ATP8B1: variants seen among roughly 807,000 people sequenced by gnomAD.
The protein encoded by ATP8B1 is phospholipid-transporting ATPase IC.
In ATP8B1, 80 loss-of-function variants were observed where a neutral mutation model predicts 149.9. The ratio of observed to expected loss-of-function variants is 0.53; its 90% CI spans 0.45 to 0.64. The LOEUF (loss-of-function observed/expected upper bound fraction) is 0.64, where lower values mean the gene tolerates loss of function less well. Ranked by LOEUF, ATP8B1 falls within the 30% of genes least tolerant of loss-of-function variation. The pLI is 0.00. For synonymous variants in ATP8B1, 536 were observed against 562.8 expected, an observed-to-expected ratio of 0.95 and a Z score of 0.67; for missense variants, 1,247 against 1,552.6, an observed-to-expected ratio of 0.80 and a Z score of 3.31.
chr18:57,707,413 A>T (rs1175420888), intron 2 of ATP8B1, among the ~76,000 whole-genome samples: 2 of 150,216 alleles, frequency 1.3e-5, no homozygotes, highest in Non-Finnish European at 3.0e-5. Flanking sequence ...TAATGGAGAG[A>T]ACTAGGTGTT....
chr18:57,761,944 TAA>T (rs71171087), intron 1 of ATP8B1, among the ~76,000 whole-genome samples: 28,753 of 97,606 alleles, frequency 0.29, 3,965 homozygotes, highest in Middle Eastern at 0.39. Context: ...GCAAGACTGT[TAA>T]AAAAAAAAAA....
rs149842435 is a variant in ATP8B1 at position 57,697,540 on chromosome 18, C to G, written c.698+78G>C. On this transcript the variant is annotated intron_variant, in intron 8 of 27. Transcript: ENST00000648908. ...AAGGCCAGATATCAAGCCGTCTGGT[C>G]CACAATGCCCCGATTTCAGTGGAAT... 6.7e-6 allele frequency: 10 copies of G among 1,495,372 alleles called. No homozygotes were observed. In the African/African-American group the frequency reaches 1.2e-4, roughly 18 times the overall value. 92.6% of individuals were successfully genotyped at this position (1,495,372 alleles called of 1,614,324 possible).
chr18:57,723,944 C>T lies in ATP8B1; in HGVS notation c.181+7683G>A, dbSNP rs962519574. 1.2e-4 allele frequency among the ~76,000 whole-genome samples: 18 copies of T among 146,444 alleles called. 2 individuals are homozygous for T. Among genetic ancestry groups the T allele is most frequent in the African/African-American group, 4.5e-4 (17 of 37,888 alleles). ...AGAACAGAGCCCTCAGAAATAATGC[C>T]GCATACCTAGAACTATCTGACCTTT... On this transcript the variant is annotated intron_variant, in intron 2 of 27. Transcript: ENST00000648908.
rs763756871 is a variant in ATP8B1 at position 57,647,673 on chromosome 18, T to G, written c.*815A>C. The G allele has an allele frequency of 3.3e-5, 5 of 152,718 alleles. No individual in the cohort carries two copies. Among genetic ancestry groups the G allele is most frequent in the Non-Finnish European group, 5.9e-5 (4 of 68,108 alleles). 9.5% of individuals were successfully genotyped at this position (152,718 alleles called of 1,614,324 possible). ...GCTTTGTAATTCTATTGCCCTGGAT[T>G]GAGACTGGATTAAAACGTTCCCTTT... On this transcript the variant is annotated 3_prime_UTR_variant, in exon 28 of 28. Coordinates refer to ENST00000648908, the MANE Select transcript of ATP8B1 (RefSeq NM_001374385.1).
rs1568189357 is a variant in ATP8B1, at chr18:57,672,922, ATATATATAT to A, written c.1820-1351_1820-1343del. 9.8e-3 allele frequency among the ~76,000 whole-genome samples: 501 copies of A among 51,256 alleles called. 38 individuals carry two copies. Among genetic ancestry groups the A allele is most frequent in the East Asian group, 0.074 (43 of 582 alleles). 33.6% of individuals were successfully genotyped at this position (51,256 alleles called of 152,430 possible). A position where few individuals can be genotyped will look rare whatever the true frequency, so the allele number is the denominator to read the frequency against. On this transcript the variant is annotated intron_variant, in intron 16 of 27. Coordinates refer to ENST00000648908, the MANE Select transcript of ATP8B1 (RefSeq NM_001374385.1). ...TATATATATATATATATATATATAT[ATATATATAT>A]AACATGTATATACACATATATACAT...
chr18:57,714,300 G>A (rs1254908226), intron 2 of ATP8B1, among the ~76,000 whole-genome samples: 1 of 135,866 alleles, frequency 7.4e-6, no homozygotes, highest in Non-Finnish European at 1.7e-5. Context: ...CTAAGGTTTT[G>A]GACTCCAGTC....
intron 2 of ATP8B1, 37 bp from the exon 3 acceptor site, chr18:57,706,624 A>AT: frequency 1.3e-6 from 2 of 1,507,804 alleles, no homozygotes; most frequent in Non-Finnish European, 1.8e-6. Flanking sequence ...TAAGTAGCAA[A>AT]TTAACATGTT....
intron 1 of ATP8B1, among the ~76,000 whole-genome samples, chr18:57,741,365 T>C (rs983379031): frequency 6.6e-6 from 1 of 152,220 alleles, no homozygotes; most frequent in Non-Finnish European, 1.5e-5. Flanking sequence ...GTGAAGCAGC[T>C]GCCCTATGGA....
intron 4 of ATP8B1, among the ~76,000 whole-genome samples, chr18:57,702,112 C>T (rs1256174150): frequency 6.6e-6 from 1 of 152,198 alleles, no homozygotes; most frequent in East Asian, 1.9e-4. Flanking sequence ...GAGGTACTAG[C>T]TGCCTCTGAA....
intron 1 of ATP8B1, among the ~76,000 whole-genome samples, chr18:57,756,468 T>A (rs989576644): frequency 1.3e-5 from 2 of 151,388 alleles, no homozygotes; most frequent in Non-Finnish European, 2.9e-5. Flanking sequence ...GCCCAGCTAA[T>A]TTTTATATTT....
chr18:57,699,900 G>A (rs1913035086), intron 6 of ATP8B1, among the ~76,000 whole-genome samples: 1 of 152,124 alleles, frequency 6.6e-6, no homozygotes, highest in South Asian at 2.1e-4. Context: ...TGGTAAAGAG[G>A]AGCTCTGGGT....
At chr18:57,764,421 C>CTTTA (rs1369286695) in intron 1 of ATP8B1, among the ~76,000 whole-genome samples, 1 of 148,352 alleles carries the variant, frequency 6.7e-6, no homozygotes, top group African/African-American at 2.5e-5. Context: ...CTCTTTCTCT[C>CTTTA]TTTCTTTCTT....
At chr18:57,691,516 G>C (rs890270400) in intron 12 of ATP8B1, among the ~76,000 whole-genome samples, 1 of 152,122 alleles carries the variant, frequency 6.6e-6, no homozygotes, top group Non-Finnish European at 1.5e-5. Context: ...TTTGGAACCC[G>C]GTGAGAAGGG....
At chr18:57,747,313 C>T (rs1018655857) in intron 1 of ATP8B1, among the ~76,000 whole-genome samples, 22 of 152,062 alleles carry the variant, frequency 1.4e-4, no homozygotes, top group African/African-American at 4.1e-4. Context: ...ATTAGCCAGG[C>T]GTGGTGGCAG....
rs1185152632 is a variant in ATP8B1 at position 57,784,477 on chromosome 18, G to A, written c.-26+18521C>T. Among the ~76,000 whole-genome samples, 1 of 152,156 alleles carries A rather than the reference G, an allele frequency of 6.6e-6. No homozygotes were observed. The highest frequency in any genetic ancestry group is 1.9e-4 in the East Asian group (1 of 5,184). ...TCAGGTGGAGTCAAGGTCTTCCAGAGGTAGAAGCAACAGGCCTTGGAGACG... is the reference window on the plus strand; with the variant it reads ...TCAGGTGGAGTCAAGGTCTTCCAGAAGTAGAAGCAACAGGCCTTGGAGACG... On this transcript the variant is annotated intron_variant, in intron 1 of 27. Transcript: ENST00000648908. The surrounding 1 kb of genome is among the most constrained non-coding windows in gnomAD (Gnocchi z 4.4).
At chr18:57,665,468 C>G (rs1052963567) in intron 20 of ATP8B1, among the ~76,000 whole-genome samples, 1 of 152,010 alleles carries the variant, frequency 6.6e-6, no homozygotes, top group African/African-American at 2.4e-5. Flanking sequence ...AAAAAATAAA[C>G]AAAGCCATAT....
chr18:57,660,061 A>G (rs952253817), intron 22 of ATP8B1, among the ~76,000 whole-genome samples: 8 of 152,140 alleles, frequency 5.3e-5, no homozygotes, highest in Non-Finnish European at 1.2e-4. Flanking sequence ...TGGCAATAGG[A>G]TGAGGATGAA....
At chr18:57,762,423 G>A (rs938443508) in intron 1 of ATP8B1, among the ~76,000 whole-genome samples, 13 of 152,150 alleles carry the variant, frequency 8.5e-5, no homozygotes, top group African/African-American at 3.1e-4. Flanking sequence ...ACAGGTGTGA[G>A]CCAATGTGCC....
At chr18:57,654,663 A>G (rs1909866510) in intron 23 of ATP8B1, among the ~76,000 whole-genome samples, 1 of 151,050 alleles carries the variant, frequency 6.6e-6, no homozygotes, top group Non-Finnish European at 1.5e-5. Flanking sequence ...ATAACCAAAG[A>G]TAAAGATAAA....
Sources: allele counts gnomAD v4.1 joint callset (sites outside exome capture counted in the v4.1 genomes callset), GRCh38; gene constraint gnomAD v4.1.1; non-coding constraint Gnocchi (gnomAD v3.1); transcripts MANE v1.5; gene names NCBI Gene and HGNC (gene_info 2026-07-23, HGNC 2026-07-21).